The following NUP153 variants were observed in gnomAD, a reference collection of about 807,000 sequenced individuals.
NUP153 encodes the protein nuclear pore complex protein Nup153.
Under a neutral mutation model 134.6 loss-of-function variants are expected in NUP153, and 27 were observed. The ratio of observed to expected loss-of-function variants is 0.20; its 90% CI spans 0.15 to 0.28. NUP153 has a LOEUF of 0.28. NUP153 is among the 10% of genes least tolerant of loss of function. The probability of loss-of-function intolerance (pLI) is 1.00; values close to 1 mark genes in which losing one functional copy is unlikely to be tolerated. For synonymous variants in NUP153, 640 were observed against 623.5 expected (o/e 1.03, Z -0.40); for missense variants, 1,821 against 1,731.3 (o/e 1.05, Z -0.92).
chr6:17,649,083 T>A, intron 12 of NUP153, 80 bp downstream of exon 12: 1 of 1,250,228 alleles, frequency 8.0e-7, no homozygotes, highest in Non-Finnish European at 1.1e-6. Context: ...AATTAAACAC[T>A]GTTTATAATA....
Position 17,680,347 on chromosome 6 carries a change from T to A in NUP153, c.335-4577A>T, listed in dbSNP as rs900305211. On this transcript the variant is annotated intron_variant, in intron 2 of 21. Transcript: ENST00000262077. This position sits in a 1 kb window ranked among gnomAD's most constrained non-coding sequence, Gnocchi z 4.5. ...TCTTCAACAAGGATTTCAAGACCAC[T>A]CAATGGGAAAAGGACAGTCTCTTCA... 3.3e-5 allele frequency among the ~76,000 whole-genome samples: 5 copies of A among 152,164 alleles called. No individual in the cohort carries two copies. The highest frequency in any genetic ancestry group is 6.6e-5 in the Admixed American group (1 of 15,266).
rs1041420373 is a variant in NUP153 at position 17,695,881 on chromosome 6, C to T, written c.112-7263G>A. The stretch of plus-strand genomic sequence containing the variant: ...AAAATTAGCTGGACATGGTGGCGGG[C>T]ACCTGTAGTCCCAGCTTCTCAGGAG... On this transcript the variant is annotated intron_variant, in intron 1 of 21. Coordinates refer to ENST00000262077, the MANE Select transcript of NUP153 (RefSeq NM_005124.4). Among the ~76,000 whole-genome samples the T allele has an allele frequency of 6.6e-5, 10 of 152,118 alleles. No homozygotes were observed. In the East Asian group the frequency reaches 1.7e-3, roughly 27 times the overall value.
chr6:17,632,052 T>C (rs983009740), intron 17 of NUP153, among the ~76,000 whole-genome samples: 3 of 152,152 alleles, frequency 2.0e-5, no homozygotes, highest in Admixed American at 2.0e-4. Context: ...AGTAAAATAT[T>C]AAGAGTTCTT....
chr6:17,691,875 G>T (rs1769298643), intron 1 of NUP153, among the ~76,000 whole-genome samples: 1 of 152,106 alleles, frequency 6.6e-6, no homozygotes, highest in African/African-American at 2.4e-5. Context: ...AATGGCACGT[G>T]ATCATGGCCC....
chr6:17,631,477 T>C (rs1462664526), intron 17 of NUP153, among the ~76,000 whole-genome samples: 2 of 152,218 alleles, frequency 1.3e-5, no homozygotes, highest in African/African-American at 4.8e-5. Flanking sequence ...ATTGTGCCCA[T>C]TAATTAATTT....
chr6:17,663,720 ATTGAG>A (rs1224877617), intron 9 of NUP153, among the ~76,000 whole-genome samples: 1 of 152,218 alleles, frequency 6.6e-6, no homozygotes, highest in Non-Finnish European at 1.5e-5. Flanking sequence ...TTTTCAATAA[ATTGAG>A]TTGTTAGAAA....
At chr6:17,694,970 C>T (rs1769542621) in intron 1 of NUP153, among the ~76,000 whole-genome samples, 1 of 120,468 alleles carries the variant, frequency 8.3e-6, no homozygotes, top group African/African-American at 2.9e-5. Context: ...CAAAGCGAGA[C>T]TCTGTCTCAA....
chr6:17,620,713 T>C (rs113272846), intron 20 of NUP153, among the ~76,000 whole-genome samples: 6,032 of 152,198 alleles, frequency 0.04, 396 homozygotes, highest in African/African-American at 0.14. Flanking sequence ...TCATCAGCTA[T>C]TGTTAGTGTT....
Position 17,629,242 on chromosome 6 carries a change from G to A in NUP153, c.2957C>T (p.Ser986Phe). The part of the protein sequence containing the change: ...SKNDNFKFGL[S>F]SGLSNPVSLT... The stretch of plus-strand genomic sequence containing the variant: ...AGAAACTGGGTTGCTTAAACCAGAA[G>A]AAAGTCCAAACTTAAAATTATCATT... The change falls in exon 18 of 22, where the codon TCT becomes TTT. Residue 986 changes from serine (S) to phenylalanine (F), a missense_variant. Physicochemically the swap from Ser to Phe is radical, Grantham distance 155. Transcript: ENST00000262077. 1.9e-6 allele frequency: 3 copies of A among 1,613,284 alleles called. No homozygotes were observed. Among genetic ancestry groups the A allele is most frequent in the Non-Finnish European group, 2.5e-6 (3 of 1,179,802 alleles).
At chr6:17,685,622 C>T (rs947860067) in intron 2 of NUP153, among the ~76,000 whole-genome samples, 4 of 151,966 alleles carry the variant, frequency 2.6e-5, no homozygotes, top group African/African-American at 9.7e-5. Flanking sequence ...ATCTGTATTC[C>T]CTAGTGACAT....
intron 1 of NUP153, among the ~76,000 whole-genome samples, chr6:17,702,598 C>A (rs1362199627): frequency 3.9e-5 from 6 of 151,958 alleles, no homozygotes; most frequent in Non-Finnish European, 7.4e-5. Flanking sequence ...ATAGCTTGAA[C>A]CCAGGAGGCA....
At chr6:17,621,285 A>T (rs1347865352) in intron 20 of NUP153, among the ~76,000 whole-genome samples, 2 of 152,218 alleles carry the variant, frequency 1.3e-5, no homozygotes, top group Non-Finnish European at 2.9e-5. Context: ...CGTTATGGAA[A>T]ACAGTAAGGA....
intron 7 of NUP153, 103 bp from the exon 8 acceptor site, chr6:17,669,131 T>C (rs535494782): frequency 1.6e-4 from 169 of 1,038,646 alleles, no homozygotes; most frequent in Non-Finnish European, 2.2e-4. Flanking sequence ...CAGGCTGGAG[T>C]GCAGTGGCGC....
intron 20 of NUP153, chr6:17,619,584 G>A (rs1262778461): frequency 6.6e-6 from 1 of 152,126 alleles, no homozygotes; most frequent in African/African-American, 2.4e-5. Flanking sequence ...AGATTAGCAT[G>A]GCCCCCTGCA....
chr6:17,624,806 G>T lies in NUP153; in HGVS notation c.3929C>A (p.Pro1310His), dbSNP rs770698436. ...AGSSFVFGTG[P>H]SAPSASPAFG... is the part of the protein sequence containing the mutation. ...TGCTGGACTGGCAGATGGTGCTGAG[G>T]GTCCAGTTCCAAATACAAAGGAGGA... Residue 1310 changes from proline (P) to histidine (H), a missense_variant, in exon 20 of 22, where the codon CCC (proline) becomes CAC (histidine). Physicochemically the swap from Pro to His is moderately conservative, Grantham distance 77. Coordinates refer to ENST00000262077, the MANE Select transcript of NUP153 (RefSeq NM_005124.4). 2 of 1,610,636 alleles carry T rather than the reference G, an allele frequency of 1.2e-6. No homozygotes were observed. Among genetic ancestry groups the T allele is most frequent in the Non-Finnish European group, 1.7e-6 (2 of 1,177,680 alleles).
rs184176913 is a variant in NUP153, at chr6:17,633,313, T to A, written c.2465-469A>T. Reference sequence around the variant, plus strand: ...GCCACAGACCATATGAATTTCAAGATTTGAAAGCATAGATCTCTGCCTCTG... The same window carrying A: ...GCCACAGACCATATGAATTTCAAGAATTGAAAGCATAGATCTCTGCCTCTG... On this transcript the variant is annotated intron_variant, in intron 16 of 21. Coordinates refer to ENST00000262077, the MANE Select transcript of NUP153 (RefSeq NM_005124.4). 2.2e-3 allele frequency among the ~76,000 whole-genome samples: 328 copies of A among 152,358 alleles called. 1 individual carries two copies. The highest frequency in any genetic ancestry group is 4.0e-3 in the Non-Finnish European group (271 of 68,040).
In NUP153 at chr6:17,706,391, G is replaced by A. The variant is rs372361816; in HGVS notation, c.-4C>T. 2.7e-4 allele frequency: 437 copies of A among 1,609,218 alleles called. No homozygotes were observed. The highest frequency in any genetic ancestry group is 3.5e-4 in the Non-Finnish European group (415 of 1,178,236). On this transcript the variant is annotated 5_prime_UTR_variant, in exon 1 of 22. Coordinates refer to ENST00000262077, the MANE Select transcript of NUP153 (RefSeq NM_005124.4). This position sits in a 1 kb window ranked among gnomAD's most constrained non-coding sequence, Gnocchi z 5.9. ...CTCCTCCGGCTCCCGAGGCCATGGCGGAGCCTCCGCCGCTTCCCGCTCCGG... is the reference window on the plus strand; with the variant it reads ...CTCCTCCGGCTCCCGAGGCCATGGCAGAGCCTCCGCCGCTTCCCGCTCCGG...
In NUP153 at chr6:17,706,691, C is replaced by G. The variant is rs910105985; in HGVS notation, c.-304G>C. ...CTCTATGGAGATCTCCCGCAGAGGA[C>G]AGCACGAACAGTTCCCCGCGGTGCT... On this transcript the variant is annotated 5_prime_UTR_variant, in exon 1 of 22. Coordinates refer to ENST00000262077, the MANE Select transcript of NUP153 (RefSeq NM_005124.4). The surrounding 1 kb of genome is among the most constrained non-coding windows in gnomAD (Gnocchi z 5.9). The G allele has an allele frequency of 1.6e-5, 7 of 434,880 alleles. No individual in the cohort carries two copies. The highest frequency in any genetic ancestry group is 5.1e-5 in the East Asian group (1 of 19,656). 26.9% of individuals were successfully genotyped at this position (434,880 alleles called of 1,614,324 possible).
intron 20 of NUP153, among the ~76,000 whole-genome samples, chr6:17,622,691 A>AT (rs35885159): frequency 0.072 from 10,909 of 152,100 alleles, 483 homozygotes; most frequent in Admixed American, 0.11. Context: ...TGCTCTTTAC[A>AT]TAAAAAAAAA....
Sources: allele counts gnomAD v4.1 joint callset (sites outside exome capture counted in the v4.1 genomes callset), GRCh38; gene constraint gnomAD v4.1.1; non-coding constraint Gnocchi (gnomAD v3.1); transcripts MANE v1.5; gene names NCBI Gene and HGNC (gene_info 2026-07-23, HGNC 2026-07-21).